Variants in PDE12 observed in about 807,000 individuals in gnomAD.
PDE12 encodes 2',5'-phosphodiesterase 12.
In PDE12, 26 loss-of-function variants were observed where a neutral mutation model predicts 45.4. The observed-to-expected ratio is 0.57, with a 90% confidence interval of 0.42 to 0.79. The LOEUF (loss-of-function observed/expected upper bound fraction) is 0.79. Among genes scored for constraint, PDE12 ranks in the 30% least tolerant of loss-of-function variants. PDE12 has a pLI of 0.00. For missense variants in PDE12, 668 were observed against 790.0 expected (o/e 0.85, Z 1.85); for synonymous variants, 283 against 323.9 (o/e 0.87, Z 1.36).
chr3:57,573,059 G>A, the PDE12 span, among the ~76,000 whole-genome samples: 74 of 151,986 alleles, frequency 4.9e-4, no homozygotes, highest in African/African-American at 1.5e-3. Context: ...AAAATTAGCC[G>A]GGCGTGGTGG....
chr3:57,619,216 C>T, the PDE12 span, among the ~76,000 whole-genome samples: 2 of 151,786 alleles, frequency 1.3e-5, no homozygotes, highest in Non-Finnish European at 2.9e-5. Flanking sequence ...GGTGTGGTGG[C>T]GGGTGCCTGT....
chr3:57,589,617 C>G, the PDE12 span, among the ~76,000 whole-genome samples: 1 of 151,492 alleles, frequency 6.6e-6, no homozygotes, highest in Non-Finnish European at 1.5e-5. Flanking sequence ...ACTTGGGAGG[C>G]TGAGGCAGGA....
In PDE12 at chr3:57,564,988, A is replaced by AT. The variant is rs77076405; in HGVS notation, c.*4998dup. ...GAGCCACCCCACCCAGTCAGCACAC[A>AT]TTTTTTTTTTTTTTAAATAAGACAG... On this transcript the variant is annotated 3_prime_UTR_variant, in exon 3 of 3. Coordinates refer to ENST00000311180, the MANE Select transcript of PDE12 (RefSeq NM_177966.7). 2,069 of 142,956 alleles carry AT rather than the reference A, an allele frequency of 0.014. 47 individuals carry two copies. The highest frequency in any genetic ancestry group is 0.047 in the African/African-American group (1,830 of 39,140). 8.9% of individuals were successfully genotyped at this position (142,956 alleles called of 1,614,324 possible). A position where few individuals can be genotyped will look rare whatever the true frequency, so the allele number is the denominator to read the frequency against.
downstream of PDE12, among the ~76,000 whole-genome samples, chr3:57,570,801 G>A (rs1351325059): frequency 6.6e-6 from 1 of 152,068 alleles, no homozygotes; most frequent in East Asian, 1.9e-4. Flanking sequence ...TTTTTTGTAG[G>A]AAAGTAGCAT....
chr3:57,597,404 G>A, the PDE12 span: 1 of 332,384 alleles, frequency 3.0e-6, no homozygotes. Flanking sequence ...CGCGGCGGCC[G>A]CGGCGACTCC....
At chr3:57,613,920 A>AAAAG in the PDE12 span, among the ~76,000 whole-genome samples, 1 of 150,760 alleles carries the variant, frequency 6.6e-6, no homozygotes, top group African/African-American at 2.4e-5. Flanking sequence ...AAAAAAAAAA[A>AAAAG]AAAGAAATAT....
the PDE12 span, among the ~76,000 whole-genome samples, chr3:57,642,907 G>A: frequency 1.3e-5 from 2 of 151,760 alleles, no homozygotes; most frequent in Non-Finnish European, 2.9e-5. Flanking sequence ...TGGGGAGGCT[G>A]AGGCAGGAGA....
rs766236079 is a variant in PDE12 at position 57,557,674 on chromosome 3, C to A, written c.1295C>A (p.Ser432Tyr). 1 of 1,613,508 alleles carries A rather than the reference C, an allele frequency of 6.2e-7. No individual in the cohort carries two copies. Among genetic ancestry groups the A allele is most frequent in the Non-Finnish European group, 8.5e-7 (1 of 1,179,700 alleles). The part of the protein sequence containing the change: ...PSAQEKVLQR[S>Y]SVLQVSVLQS... ...GCGCAGGAGAAGGTGCTCCAGAGAT[C>A]TTCTGTTCTTCAGGTAAAGTAGTTC... The change falls in exon 1 of 3, where the codon TCT becomes TAT. Residue 432 changes from serine (S) to tyrosine (Y), a missense_variant. By Grantham distance (144) the Ser-to-Tyr change is moderately radical (BLOSUM62 -2). Around this residue, in one of 3 missense-constraint regions of PDE12, gnomAD observed 580 missense variants for 662.9 expected, o/e 0.87. Coordinates refer to ENST00000311180, the MANE Select transcript of PDE12 (RefSeq NM_177966.7).
At chr3:57,641,693 G>GTGC in the PDE12 span, 1 of 1,613,422 alleles carries the variant, frequency 6.2e-7, no homozygotes, top group Admixed American at 1.7e-5. Context: ...TGTGTGGCCA[G>GTGC]TGCTGGAGTG....
the PDE12 span, chr3:57,596,805 G>C: frequency 3.0e-3 from 1,311 of 440,402 alleles, 17 homozygotes; most frequent in African/African-American, 0.024. Context: ...ATGTTGTCCA[G>C]CTTTCAATAA....
chr3:57,596,320 A>C, the PDE12 span, among the ~76,000 whole-genome samples: 5 of 152,340 alleles, frequency 3.3e-5, no homozygotes, highest in Non-Finnish European at 5.9e-5. Flanking sequence ...CGTTTCTAAA[A>C]TTTTTTTGCA....
At chr3:57,649,915 A>G in the PDE12 span, among the ~76,000 whole-genome samples, 5 of 109,172 alleles carry the variant, frequency 4.6e-5, no homozygotes, top group African/African-American at 1.9e-4. Context: ...GACTCTCTGT[A>G]TATATATACA....
chr3:57,567,744 A>T (rs184777762), downstream of PDE12, among the ~76,000 whole-genome samples: 51 of 152,278 alleles, frequency 3.3e-4, no homozygotes, highest in African/African-American at 1.2e-3. Flanking sequence ...TTATTGAAAC[A>T]TCCAGAAGTA....
chr3:57,633,304 G>T, the PDE12 span: 1 of 1,613,792 alleles, frequency 6.2e-7, no homozygotes, highest in African/African-American at 1.3e-5. Context: ...CCAAAAAATA[G>T]CGTCGAAGAA....
At chr3:57,568,858 CAAAA>C (rs10718820), downstream of PDE12, among the ~76,000 whole-genome samples, 5 of 119,166 alleles carry the variant, frequency 4.2e-5, no homozygotes, top group Admixed American at 8.5e-5. Context: ...ATGTTATGGA[CAAAA>C]AAAAAAAAAA....
the PDE12 span, chr3:57,641,852 G>C: frequency 2.2e-6 from 2 of 903,048 alleles, no homozygotes; most frequent in Non-Finnish European, 3.3e-6. Flanking sequence ...TACACAGATT[G>C]ATTTTTCCTT....
chr3:57,571,366 C>T (rs1020139239), downstream of PDE12: 2 of 152,480 alleles, frequency 1.3e-5, no homozygotes, highest in South Asian at 2.1e-4. Context: ...CACACAATTA[C>T]GTATTTTATC....
chr3:57,650,755 G>T, the PDE12 span, among the ~76,000 whole-genome samples: 1 of 151,422 alleles, frequency 6.6e-6, no homozygotes, highest in East Asian at 1.9e-4. Flanking sequence ...AAGGTGAATG[G>T]ATAGACAAAA....
chr3:57,580,788 T>A, the PDE12 span, among the ~76,000 whole-genome samples: 2 of 150,902 alleles, frequency 1.3e-5, no homozygotes, highest in South Asian at 2.1e-4. Context: ...TTTTTTTTTT[T>A]TAAATGTAAA....
Sources: gnomAD v4.1 joint callset for allele counts (sites outside exome capture counted in the v4.1 genomes callset) on GRCh38, gnomAD v4.1.1 for gene constraint, gnomAD v4.1.1 regional missense constraint, MANE v1.5 for transcripts, NCBI Gene and HGNC (gene_info 2026-07-23, HGNC 2026-07-21) for gene names.